Variants in MAMDC2 observed in about 807,000 individuals in gnomAD.
The protein encoded by MAMDC2 is MAM domain containing 2, also known as MAM domain-containing protein 2.
In MAMDC2, 57 loss-of-function variants were observed where a neutral mutation model predicts 89.8. The observed-to-expected ratio is 0.63, with a 90% CI of 0.51 to 0.79. The LOEUF (loss-of-function observed/expected upper bound fraction) is 0.79, where lower values mean the gene tolerates loss of function less well. Among genes scored for constraint, MAMDC2 ranks in the 30% least tolerant of loss-of-function variants. The probability of loss-of-function intolerance (pLI) is 0.00; values close to 1 mark genes in which losing one functional copy is unlikely to be tolerated. For synonymous variants in MAMDC2, 313 were observed against 293.4 expected, an observed-to-expected ratio of 1.07 and a Z score of -0.68; for missense variants, 800 against 820.6, an observed-to-expected ratio of 0.97 and a Z score of 0.31.
chr9:70,206,980 T>C (rs1420999632), intron 11 of MAMDC2, among the ~76,000 whole-genome samples: 1 of 152,196 alleles, frequency 6.6e-6, no homozygotes, highest in Non-Finnish European at 1.5e-5. Flanking sequence ...TATGGCTGCA[T>C]AGTATTCCAT....
chr9:70,189,157 C>T (rs1011650856), intron 11 of MAMDC2, among the ~76,000 whole-genome samples: 2 of 152,050 alleles, frequency 1.3e-5, no homozygotes, highest in Non-Finnish European at 2.9e-5. Flanking sequence ...TTTATTGGTA[C>T]TTTTTATTTC....
At chr9:70,178,700 A>G (rs924452611) in intron 11 of MAMDC2, among the ~76,000 whole-genome samples, 10 of 152,240 alleles carry the variant, frequency 6.6e-5, no homozygotes, top group Admixed American at 3.9e-4. Flanking sequence ...GTTCTATTCC[A>G]TATTTCCTGA....
In MAMDC2 at chr9:70,226,561, T is replaced by A. The variant is rs1438748749; in HGVS notation, c.*529T>A. 6.6e-6 allele frequency: 1 copy of A among 152,500 alleles called. No homozygotes were observed. Among genetic ancestry groups the A allele is most frequent in the African/African-American group, 2.4e-5 (1 of 41,428 alleles). 9.4% of individuals were successfully genotyped at this position (152,500 alleles called of 1,614,324 possible). On this transcript the variant is annotated 3_prime_UTR_variant, in exon 14 of 14. Transcript: ENST00000377182. ...CTATGTTTTATTCATAGAAATGGAG[T>A]ATTAATTTTTAATATTTTCACCATA...
chr9:70,128,077 AT>A (rs2030641065), intron 6 of MAMDC2, among the ~76,000 whole-genome samples: 1 of 152,236 alleles, frequency 6.6e-6, no homozygotes, highest in Non-Finnish European at 1.5e-5. Flanking sequence ...AGTCTGAACT[AT>A]TCACTGGTGT....
intron 5 of MAMDC2, among the ~76,000 whole-genome samples, chr9:70,122,685 TATA>T (rs949150577): frequency 1.4e-4 from 21 of 152,192 alleles, no homozygotes; most frequent in African/African-American, 4.8e-4. Flanking sequence ...GTAAAATGAA[TATA>T]ATAATTTCTA....
At chr9:70,098,489 T>C (rs10868524) in intron 2 of MAMDC2, among the ~76,000 whole-genome samples, 75,673 of 152,112 alleles carry the variant, frequency 0.5, 22,178 homozygotes, top group Non-Finnish European at 0.64. Flanking sequence ...TTTAGAAATC[T>C]TGACATGTTT....
chr9:70,076,479 C>A (rs1827537033), intron 2 of MAMDC2, among the ~76,000 whole-genome samples: 2 of 151,880 alleles, frequency 1.3e-5, no homozygotes, highest in Admixed American at 1.3e-4. Flanking sequence ...GCAATGGATC[C>A]TGTTCACCAA....
intron 2 of MAMDC2, among the ~76,000 whole-genome samples, chr9:70,046,409 G>C (rs1826753379): frequency 6.6e-6 from 1 of 152,216 alleles, no homozygotes; most frequent in African/African-American, 2.4e-5. Context: ...TGTTCCCTAA[G>C]CACTTGGCTT....
At chr9:70,154,529 T>TTG (rs1044391710) in intron 9 of MAMDC2, among the ~76,000 whole-genome samples, 1 of 110,812 alleles carries the variant, frequency 9.0e-6, no homozygotes, top group Non-Finnish European at 1.8e-5. Flanking sequence ...TTGGAACAAT[T>TTG]TTTTTTTTTT....
chr9:70,066,233 G>A (rs1198743120), intron 2 of MAMDC2, among the ~76,000 whole-genome samples: 1 of 152,170 alleles, frequency 6.6e-6, no homozygotes, highest in East Asian at 1.9e-4. Context: ...AAGTGCTCCA[G>A]GCAGAGGGGA....
intron 11 of MAMDC2, among the ~76,000 whole-genome samples, chr9:70,214,384 T>C (rs1158365852): frequency 6.6e-6 from 1 of 152,174 alleles, no homozygotes; most frequent in African/African-American, 2.4e-5. Context: ...GCAGCATACC[T>C]GCCATATTCC....
At chr9:70,047,337 A>G (rs1430582497) in intron 2 of MAMDC2, among the ~76,000 whole-genome samples, 1 of 152,000 alleles carries the variant, frequency 6.6e-6, no homozygotes, top group Admixed American at 6.6e-5. Context: ...ATTTGTCCTA[A>G]TACTCTCCCT....
intron 2 of MAMDC2, chr9:70,081,549 G>C (rs1409918101): frequency 6.6e-6 from 1 of 152,062 alleles, no homozygotes; most frequent in Admixed American, 6.6e-5. Context: ...CTGTAGTATG[G>C]TTTGTGTGTG....
chr9:70,075,158 A>G (rs561556011), intron 2 of MAMDC2, among the ~76,000 whole-genome samples: 6 of 152,354 alleles, frequency 3.9e-5, no homozygotes, highest in African/African-American at 1.4e-4. Context: ...AACAGCACAC[A>G]GAGATGAAGT....
intron 2 of MAMDC2, among the ~76,000 whole-genome samples, chr9:70,057,939 C>T (rs1014311818): frequency 3.9e-5 from 6 of 152,076 alleles, no homozygotes; most frequent in Non-Finnish European, 5.9e-5. Flanking sequence ...AAGGGTGATG[C>T]CTGGAATGTT....
intron 10 of MAMDC2, chr9:70,169,496 TTCTTAGTC>T (rs1380493941): frequency 6.6e-6 from 1 of 152,254 alleles, no homozygotes; most frequent in African/African-American, 2.4e-5. Context: ...AGACAATTTG[TTCTTAGTC>T]TCTTAATTTG....
intron 9 of MAMDC2, among the ~76,000 whole-genome samples, chr9:70,145,088 C>T (rs1011986927): frequency 6.6e-6 from 1 of 152,228 alleles, no homozygotes; most frequent in South Asian, 2.1e-4. Context: ...AAGAGTTAAA[C>T]TGATTTCTAA....
intron 12 of MAMDC2, among the ~76,000 whole-genome samples, chr9:70,223,661 T>A (rs1334328165): frequency 6.6e-6 from 1 of 152,234 alleles, no homozygotes; most frequent in African/African-American, 2.4e-5. Flanking sequence ...ACCCCATGAA[T>A]GTACTTGGGC....
chr9:70,183,860 G>GT (rs1019004444), intron 11 of MAMDC2, among the ~76,000 whole-genome samples: 2 of 152,040 alleles, frequency 1.3e-5, no homozygotes, highest in African/African-American at 2.4e-5. Context: ...GATTAATATT[G>GT]TTATTTGATT....
Sources: allele counts gnomAD v4.1 joint callset (sites outside exome capture counted in the v4.1 genomes callset), GRCh38; gene constraint gnomAD v4.1.1; transcripts MANE v1.5; gene names NCBI Gene and HGNC (gene_info 2026-07-23, HGNC 2026-07-21).